CDH13: variants seen among roughly 807,000 people sequenced by gnomAD.
The protein encoded by CDH13 is cadherin 13, also known as cadherin-13.
CDH13 carries 24 observed loss-of-function variants against 63.8 expected under a neutral mutation model. The observed-to-expected ratio is 0.38, with a 90% CI of 0.27 to 0.53. The LOEUF (loss-of-function observed/expected upper bound fraction) is 0.53. Ranked by LOEUF, CDH13 falls within the 20% of genes least tolerant of loss-of-function variation. CDH13 has a pLI of 0.85. For missense variants in CDH13, 1,049 were observed against 903.1 expected, an observed-to-expected ratio of 1.16 and a Z score of -2.07; for synonymous variants, 503 against 355.3, an observed-to-expected ratio of 1.42 and a Z score of -4.67.
intron 8 of CDH13, among the ~76,000 whole-genome samples, chr16:83,627,968 AC>A (rs1309037555): frequency 2.0e-5 from 3 of 152,180 alleles, no homozygotes; most frequent in Non-Finnish European, 4.4e-5. Flanking sequence ...GTATAGGGTA[AC>A]TTCCTGACGT....
chr16:82,996,175 C>T (rs989017404), intron 2 of CDH13, among the ~76,000 whole-genome samples: 2 of 151,964 alleles, frequency 1.3e-5, no homozygotes. Context: ...TTGAGGTTTT[C>T]TGGGTGGGGC....
At chr16:82,631,422 T>G (rs941569467) in intron 1 of CDH13, among the ~76,000 whole-genome samples, 1 of 152,186 alleles carries the variant, frequency 6.6e-6, no homozygotes, top group African/African-American at 2.4e-5. Flanking sequence ...CATCACTCAT[T>G]GAAAAGGAGA....
intron 1 of CDH13, among the ~76,000 whole-genome samples, chr16:82,674,822 C>G (rs541268059): frequency 6.6e-6 from 1 of 152,228 alleles, no homozygotes; most frequent in African/African-American, 2.4e-5. Context: ...CGGGGGCTGC[C>G]TTCTGAGACA....
At chr16:83,570,120 A>T (rs1422999739) in intron 7 of CDH13, among the ~76,000 whole-genome samples, 1 of 152,140 alleles carries the variant, frequency 6.6e-6, no homozygotes, top group Admixed American at 6.5e-5. Flanking sequence ...GTTTTCTTAC[A>T]AAACAGGAAG....
At chr16:83,131,063 A>C (rs1034694049) in intron 4 of CDH13, among the ~76,000 whole-genome samples, 3 of 152,188 alleles carry the variant, frequency 2.0e-5, no homozygotes, top group African/African-American at 7.2e-5. Context: ...GTAAGTAGCT[A>C]AACTACTAGA....
intron 1 of CDH13, among the ~76,000 whole-genome samples, chr16:82,821,237 G>A (rs2037988364): frequency 6.6e-6 from 1 of 152,150 alleles, no homozygotes. Flanking sequence ...TAGGACCATT[G>A]ACATGAAATT....
intron 7 of CDH13, among the ~76,000 whole-genome samples, chr16:83,558,980 C>T (rs2075652012): frequency 6.6e-6 from 1 of 152,090 alleles, no homozygotes; most frequent in South Asian, 2.1e-4. Context: ...ACAGGCTCAC[C>T]TCCCTCAATG....
At chr16:83,499,945 G>T (rs1345215933) in intron 7 of CDH13, among the ~76,000 whole-genome samples, 2 of 152,126 alleles carry the variant, frequency 1.3e-5, no homozygotes, top group African/African-American at 4.8e-5. Context: ...TGGGATTACA[G>T]GCGCCTGCCA....
chr16:82,961,383 T>A (rs757899009), intron 2 of CDH13, among the ~76,000 whole-genome samples: 1 of 152,176 alleles, frequency 6.6e-6, no homozygotes, highest in South Asian at 2.1e-4. Context: ...GGAAGTAATA[T>A]GTTGTTCTTC....
chr16:83,270,937 T>A (rs2088786862), intron 5 of CDH13, among the ~76,000 whole-genome samples: 1 of 147,854 alleles, frequency 6.8e-6, no homozygotes, highest in South Asian at 2.3e-4. Flanking sequence ...CCTTTCTCTT[T>A]CCCTTCCTCC....
intron 5 of CDH13, among the ~76,000 whole-genome samples, chr16:83,235,150 A>T (rs772344674): frequency 2.0e-5 from 3 of 152,182 alleles, no homozygotes; most frequent in Non-Finnish European, 4.4e-5. Flanking sequence ...GGCTGCGGTG[A>T]ACTATGATTA....
chr16:82,866,242 C>G (rs866882111), intron 2 of CDH13, among the ~76,000 whole-genome samples: 2 of 152,216 alleles, frequency 1.3e-5, no homozygotes, highest in East Asian at 3.9e-4. Context: ...CCTCTGAGCC[C>G]TCTAAACTGT....
At chr16:82,880,112 T>C (rs889140687) in intron 2 of CDH13, among the ~76,000 whole-genome samples, 9 of 151,692 alleles carry the variant, frequency 5.9e-5, no homozygotes, top group Non-Finnish European at 1.3e-4. Context: ...CTTTGAGCCA[T>C]GTGAGCAAAT....
intron 8 of CDH13, among the ~76,000 whole-genome samples, chr16:83,608,402 G>T (rs1378401841): frequency 1.3e-5 from 2 of 152,320 alleles, no homozygotes; most frequent in Admixed American, 6.5e-5. Flanking sequence ...CTGGAGTCCA[G>T]GCTCCAATTT....
At chr16:82,681,915 T>A (rs745427605) in intron 1 of CDH13, among the ~76,000 whole-genome samples, 1 of 152,228 alleles carries the variant, frequency 6.6e-6, no homozygotes, top group Non-Finnish European at 1.5e-5. Context: ...GAGCTCCAGT[T>A]GCCTGCAGCA....
intron 3 of CDH13, among the ~76,000 whole-genome samples, chr16:83,035,750 G>A (rs1326532588): frequency 3.9e-5 from 6 of 152,134 alleles, no homozygotes; most frequent in Non-Finnish European, 7.3e-5. Context: ...GTTACCTTCA[G>A]TCAATTGCTT....
At chr16:82,866,567 T>G (rs1468457342) in intron 2 of CDH13, among the ~76,000 whole-genome samples, 5 of 151,762 alleles carry the variant, frequency 3.3e-5, no homozygotes, top group Non-Finnish European at 2.9e-5. Flanking sequence ...TTTTTGTAGT[T>G]TTAGTACAAA....
At chr16:83,418,690 AAG>A (rs72075939) in intron 6 of CDH13, among the ~76,000 whole-genome samples, 22,105 of 150,784 alleles carry the variant, frequency 0.15, 2,073 homozygotes, top group East Asian at 0.5. Flanking sequence ...AGTTTTAGCA[AAG>A]AGAGAGAGAG....
intron 5 of CDH13, among the ~76,000 whole-genome samples, chr16:83,239,638 C>G (rs1175551182): frequency 6.6e-6 from 1 of 152,164 alleles, no homozygotes; most frequent in Non-Finnish European, 1.5e-5. Context: ...TGATTTTTTT[C>G]TGGAGCTAAA....
Sources: gnomAD v4.1 joint callset for allele counts (sites outside exome capture counted in the v4.1 genomes callset) on GRCh38, gnomAD v4.1.1 for gene constraint, MANE v1.5 for transcripts, NCBI Gene and HGNC (gene_info 2026-07-23, HGNC 2026-07-21) for gene names.